Variants in ANKRD33B observed in about 807,000 individuals in gnomAD.
The protein encoded by ANKRD33B is ankyrin repeat domain-containing protein 33B.
In ANKRD33B, 6 loss-of-function variants were observed where a neutral mutation model predicts 21.5. The ratio of observed to expected loss-of-function variants is 0.28; its 90% confidence interval spans 0.15 to 0.55. ANKRD33B has a LOEUF of 0.55. Among genes scored for constraint, ANKRD33B ranks in the 20% least tolerant of loss-of-function variants. ANKRD33B has a pLI of 0.94. For missense variants in ANKRD33B, 698 were observed against 747.2 expected (o/e 0.93, Z 0.77); for synonymous variants, 347 against 342.4 (o/e 1.01, Z -0.15).
At chr5:10,573,110 G>A (rs1035844549) in intron 1 of ANKRD33B, among the ~76,000 whole-genome samples, 3 of 152,134 alleles carry the variant, frequency 2.0e-5, no homozygotes, top group Non-Finnish European at 4.4e-5. Flanking sequence ...CTGTATCTCT[G>A]ACTTAGTAGA....
intron 3 of ANKRD33B, among the ~76,000 whole-genome samples, 169 bp from the exon 4 acceptor site, chr5:10,649,087 CCGCCTTCCGG>C (rs111621635): frequency 0.11 from 16,156 of 152,158 alleles, 887 homozygotes; most frequent in African/African-American, 0.13. Flanking sequence ...CACTCCAGGC[CCGCCTTCCGG>C]CGCTCAGATG....
rs1737028555 is a variant in ANKRD33B, at chr5:10,640,698, C to T, written c.637+2530C>T. 2.6e-5 allele frequency among the ~76,000 whole-genome samples: 4 copies of T among 152,228 alleles called. No individual in the cohort carries two copies. The South Asian group carries it at 6.2e-4, about 24-fold the overall frequency. ...ACTGGGTTCAGCCAGTCCTGCTTGG[C>T]GCTGCAAGTTCCTGAAGAAGTGGAT... On this transcript the variant is annotated intron_variant, in intron 3 of 3. Transcript: ENST00000296657.
chr5:10,635,840 G>A (rs1736845934), intron 2 of ANKRD33B, among the ~76,000 whole-genome samples: 1 of 149,150 alleles, frequency 6.7e-6, no homozygotes, highest in African/African-American at 2.5e-5. Context: ...TATATCGGAG[G>A]GTTTCATATT....
At chr5:10,625,611 G>A (rs963573857) in intron 2 of ANKRD33B, among the ~76,000 whole-genome samples, 1 of 152,200 alleles carries the variant, frequency 6.6e-6, no homozygotes. Flanking sequence ...AATTTGAGAG[G>A]CTGCGTTATG....
intron 1 of ANKRD33B, among the ~76,000 whole-genome samples, chr5:10,590,582 T>TAA (rs1382820903): frequency 1.4e-4 from 18 of 130,080 alleles, no homozygotes; most frequent in African/African-American, 4.8e-4. Context: ...CTTAAAATAT[T>TAA]TTGAGATGCG....
chr5:10,657,107 T>C lies in ANKRD33B; in HGVS notation c.*6994T>C, dbSNP rs568402458. ...GTTTTTGAGCAGAAGTTCTAGAAGC[T>C]GATTTAGAACTACACAGCTATGGAT... On this transcript the variant is annotated 3_prime_UTR_variant, in exon 4 of 4. Coordinates refer to ENST00000296657, the MANE Select transcript of ANKRD33B (RefSeq NM_001164440.2). 2.0e-5 allele frequency: 3 copies of C among 152,496 alleles called. No homozygotes were observed. In the South Asian group the frequency reaches 6.2e-4, roughly 32 times the overall value. The allele number at this position is 152,496 out of a possible 1,614,324, so 9.4% of individuals were successfully genotyped here. A position where few individuals can be genotyped will look rare whatever the true frequency, so the allele number is the denominator to read the frequency against.
intron 3 of ANKRD33B, among the ~76,000 whole-genome samples, chr5:10,647,642 G>T (rs1421448463): frequency 1.3e-5 from 2 of 152,210 alleles, no homozygotes; most frequent in African/African-American, 4.8e-5. Flanking sequence ...CCAATAGGAT[G>T]TGGATATCAA....
chr5:10,636,770 A>G (rs966477054), intron 2 of ANKRD33B, among the ~76,000 whole-genome samples: 1 of 152,176 alleles, frequency 6.6e-6, no homozygotes, highest in African/African-American at 2.4e-5. Flanking sequence ...GGTGCAGCAG[A>G]GGGAGAGAGG....
chr5:10,580,361 G>A (rs1033166306), intron 1 of ANKRD33B, among the ~76,000 whole-genome samples: 6 of 152,170 alleles, frequency 3.9e-5, no homozygotes, highest in Admixed American at 3.3e-4. Context: ...CTCCGAGTGT[G>A]GTCCCCACCC....
chr5:10,566,758 C>T (rs1027649529), intron 1 of ANKRD33B, among the ~76,000 whole-genome samples: 13 of 152,204 alleles, frequency 8.5e-5, no homozygotes, highest in African/African-American at 1.2e-4. Context: ...GTATGGGAGG[C>T]TAGCTCCAGC....
Position 10,580,630 on chromosome 5 carries a change from G to A in ANKRD33B, c.366+15797G>A, listed in dbSNP as rs563788129. ...CTCTTTTCTTTCTTTTCTTGGTCCTGCCTCCGGTTTGGGGTGGGGGCAGCT... is the reference window on the plus strand; with the variant it reads ...CTCTTTTCTTTCTTTTCTTGGTCCTACCTCCGGTTTGGGGTGGGGGCAGCT... On this transcript the variant is annotated intron_variant, in intron 1 of 3. Transcript: ENST00000296657. 4.6e-5 allele frequency among the ~76,000 whole-genome samples: 7 copies of A among 152,204 alleles called. No individual in the cohort carries two copies. In the East Asian group the frequency reaches 1.4e-3, roughly 29 times the overall value.
chr5:10,636,482 T>G (rs1199030399), intron 2 of ANKRD33B, among the ~76,000 whole-genome samples: 1 of 152,128 alleles, frequency 6.6e-6, no homozygotes, highest in East Asian at 1.9e-4. Context: ...CTGGGCATGA[T>G]GATGCTCGCC....
intron 1 of ANKRD33B, among the ~76,000 whole-genome samples, chr5:10,583,255 C>A (rs1465386406): frequency 6.6e-6 from 1 of 152,152 alleles, no homozygotes; most frequent in Non-Finnish European, 1.5e-5. Context: ...CTCCCCGGGC[C>A]TCCCAAAGTG....
chr5:10,637,778 C>T (rs1736906629), intron 2 of ANKRD33B, among the ~76,000 whole-genome samples: 1 of 152,104 alleles, frequency 6.6e-6, no homozygotes, highest in African/African-American at 2.4e-5. Flanking sequence ...GCTCCTCCCT[C>T]GAGTGCTTTG....
rs1431975126 is a variant in ANKRD33B, at chr5:10,650,071, G to T, written c.1443G>T (p.Ala481=). Residue 481 remains alanine, a synonymous_variant, in exon 4 of 4, where the codon GCG becomes GCT. Coordinates refer to ENST00000296657, the MANE Select transcript of ANKRD33B (RefSeq NM_001164440.2). ...EEAEKKRQAE[A]QKERRTAPWK... ...CCGAAAAGAAGCGCCAGGCCGAGGC[G>T]CAGAAGGAGAGGCGCACTGCGCCCT... The T allele has an allele frequency of 6.5e-7, 1 of 1,530,080 alleles. No individual in the cohort carries two copies. Among genetic ancestry groups the T allele is most frequent in the Non-Finnish European group, 8.7e-7 (1 of 1,143,184 alleles). The allele number at this position is 1,530,080 out of a possible 1,614,324, so 94.8% of individuals were successfully genotyped here.
chr5:10,582,123 TC>T (rs1170850661), intron 1 of ANKRD33B, among the ~76,000 whole-genome samples: 7 of 152,186 alleles, frequency 4.6e-5, no homozygotes, highest in African/African-American at 1.4e-4. Context: ...CTTAACGTAT[TC>T]CTTTTGCCTC....
intron 2 of ANKRD33B, among the ~76,000 whole-genome samples, chr5:10,627,648 T>G (rs1736608149): frequency 6.6e-6 from 1 of 152,240 alleles, no homozygotes; most frequent in Admixed American, 6.5e-5. Context: ...TTCATGTTAT[T>G]TATCTTATTT....
rs962942868 is a variant in ANKRD33B at position 10,576,334 on chromosome 5, G to A, written c.366+11501G>A. On this transcript the variant is annotated intron_variant, in intron 1 of 3. Transcript: ENST00000296657. The surrounding 1 kb of genome is among the most constrained non-coding windows in gnomAD (Gnocchi z 4.1). ...CTGGCTGCCTTCACTGTGGTTCATG[G>A]GCCAGCAGCGTTGGCATCGCCTGGG... Among the ~76,000 whole-genome samples, 1 of 152,164 alleles carries A rather than the reference G, an allele frequency of 6.6e-6. No individual in the cohort carries two copies. Among genetic ancestry groups the A allele is most frequent in the African/African-American group, 2.4e-5 (1 of 41,432 alleles).
chr5:10,600,857 A>G (rs1383425688), intron 1 of ANKRD33B, among the ~76,000 whole-genome samples: 4 of 152,174 alleles, frequency 2.6e-5, no homozygotes, highest in East Asian at 1.9e-4. Flanking sequence ...TGGTGGGTGT[A>G]TGGCGGTATC....
Sources: gnomAD v4.1 joint callset for allele counts (sites outside exome capture counted in the v4.1 genomes callset) on GRCh38, gnomAD v4.1.1 for gene constraint, Gnocchi (gnomAD v3.1) non-coding constraint, MANE v1.5 for transcripts, NCBI Gene and HGNC (gene_info 2026-07-23, HGNC 2026-07-21) for gene names.